The following NFKB1 variants were observed in gnomAD, a reference collection of about 807,000 sequenced individuals.
The protein encoded by NFKB1 is nuclear factor NF-kappa-B p105 subunit.
A neutral mutation model predicts 105.1 loss-of-function variants in NFKB1; 9 were observed. The ratio of observed to expected loss-of-function variants is 0.09; its 90% CI spans 0.05 to 0.15. NFKB1 has a LOEUF of 0.15. NFKB1 is among the 10% of genes least tolerant of loss of function. The probability of loss-of-function intolerance (pLI) is 1.00; values close to 1 mark genes in which losing one functional copy is unlikely to be tolerated. For synonymous variants in NFKB1, 440 were observed against 442.2 expected, an observed-to-expected ratio of 1.00 and a Z score of 0.06; for missense variants, 830 against 1,203.7, an observed-to-expected ratio of 0.69 and a Z score of 4.59.
chr4:102,614,881 C>T (rs4648130), intron 23 of NFKB1, among the ~76,000 whole-genome samples: 4,149 of 152,110 alleles, frequency 0.027, 172 homozygotes, highest in African/African-American at 0.083. Flanking sequence ...CTGTCAGAAG[C>T]GCTGCCATCT....
At chr4:102,555,077 G>A (rs1308914119) in intron 5 of NFKB1, among the ~76,000 whole-genome samples, 2 of 152,152 alleles carry the variant, frequency 1.3e-5, no homozygotes, top group East Asian at 1.9e-4. Flanking sequence ...AGAGGAGTTA[G>A]TAAAATTCCA....
In NFKB1 at chr4:102,546,090, T is replaced by TA. The variant is rs1055781857; in HGVS notation, c.258+8142dup. On this transcript the variant is annotated intron_variant, in intron 5 of 23. Coordinates refer to ENST00000226574, the MANE Select transcript of NFKB1 (RefSeq NM_003998.4). ...GCAACATAGTGAGACCCTGTCTCTATAAAAAAAATTTTTTAAAGAAAAAAA... is the reference window on the plus strand; with the variant it reads ...GCAACATAGTGAGACCCTGTCTCTATAAAAAAAAATTTTTTAAAGAAAAAAA... Among the ~76,000 whole-genome samples the TA allele has an allele frequency of 6.6e-5, 10 of 152,124 alleles. No homozygotes were observed. The South Asian group carries it at 1.7e-3, about 25-fold the overall frequency.
chr4:102,551,367 T>TGTGTGTGTGTGTGTGTGTGTGTGTGCGC (rs370790173), intron 5 of NFKB1, among the ~76,000 whole-genome samples: 3 of 150,094 alleles, frequency 2.0e-5, no homozygotes, highest in African/African-American at 7.3e-5. Context: ...TGTGTGTGTG[T>TGTGTGTGTGTGTGTGTGTGTGTGTGCGC]GCGCGCGCGC....
chr4:102,551,769 T>C (rs530448187), intron 5 of NFKB1, among the ~76,000 whole-genome samples: 1 of 152,306 alleles, frequency 6.6e-6, no homozygotes, highest in Admixed American at 6.5e-5. Flanking sequence ...AATACAGCCC[T>C]ATAAGGTTCT....
intron 18 of NFKB1, 59 bp from the exon 19 acceptor site, chr4:102,607,589 TG>T: frequency 6.5e-7 from 1 of 1,533,920 alleles, no homozygotes; most frequent in Non-Finnish European, 9.0e-7. Flanking sequence ...CACTGGGAGG[TG>T]GGGACAAAAG....
chr4:102,579,440 T>C lies in NFKB1; in HGVS notation c.730+401T>C, dbSNP rs80194048. 5.5e-3 allele frequency among the ~76,000 whole-genome samples: 842 copies of C among 152,168 alleles called. 16 individuals are homozygous for C. Among genetic ancestry groups the C allele is most frequent in the African/African-American group, 0.019 (786 of 41,516 alleles). ...ACAACTATTATTCTTACCCATTTTC[T>C]TTCCCATATGTTACTAGCTTTATCA... is the stretch of plus-strand genomic sequence containing the variant. On this transcript the variant is annotated intron_variant, in intron 8 of 23. Transcript: ENST00000226574.
chr4:102,540,355 A>G (rs1368792825), intron 5 of NFKB1, among the ~76,000 whole-genome samples: 1 of 152,164 alleles, frequency 6.6e-6, no homozygotes, highest in Admixed American at 6.5e-5. Context: ...CATCTACTCA[A>G]AAACATATTG....
chr4:102,501,771 C>T lies in NFKB1; in HGVS notation c.-25C>T. 6.6e-6 allele frequency: 1 copy of T among 152,278 alleles called. No homozygotes were observed. The highest frequency in any genetic ancestry group is 1.5e-5 in the Non-Finnish European group (1 of 68,098). The allele number at this position is 152,278 out of a possible 1,614,324, so 9.4% of individuals were successfully genotyped here. A position where few individuals can be genotyped will look rare whatever the true frequency, so the allele number is the denominator to read the frequency against. On this transcript the variant is annotated 5_prime_UTR_variant, in exon 1 of 24. It adds an upstream start codon to the 5' untranslated region. Transcript: ENST00000226574. ...AGCCCACCCGCGCCAGGAGGCCGAA[C>T]GCGGACTCGCCACCCGGGTAAGCCA...
At chr4:102,575,488 C>G (rs1281408778) in intron 6 of NFKB1, among the ~76,000 whole-genome samples, 1 of 152,076 alleles carries the variant, frequency 6.6e-6, no homozygotes. Flanking sequence ...ATCTGGCCCC[C>G]TGCTTACCTC....
chr4:102,577,016 G>A lies in NFKB1; in HGVS notation c.548G>A (p.Gly183Asp). 5 of 1,612,388 alleles carry A rather than the reference G, an allele frequency of 3.1e-6. No individual in the cohort carries two copies. Among genetic ancestry groups the A allele is most frequent in the South Asian group, 2.2e-5 (2 of 90,694 alleles). ...GACCTTGCCTATTTGCAAGCAGAAGGTGGAGGGGACCGGCAGCTGGGAGGT... is the reference window on the plus strand; with the variant it reads ...GACCTTGCCTATTTGCAAGCAGAAGATGGAGGGGACCGGCAGCTGGGAGGT... ...HPDLAYLQAE[G>D]GGDRQLGDRE... The change falls in exon 7 of 24, where the codon GGT (glycine) becomes GAT (aspartate). Residue 183 changes from glycine to aspartate, a missense_variant. This residue lies in a region of NFKB1 where 80 missense variants were observed against 122.6 expected (regional missense o/e 0.65). Transcript: ENST00000226574.
At chr4:102,523,374 C>G (rs994906495) in intron 1 of NFKB1, among the ~76,000 whole-genome samples, 1 of 152,152 alleles carries the variant, frequency 6.6e-6, no homozygotes, top group Non-Finnish European at 1.5e-5. Context: ...GCTGCCCTTT[C>G]CTTTTTGTTA....
chr4:102,616,311 A>T, intron 23 of NFKB1, 123 bp from the exon 24 acceptor site: 1 of 968,242 alleles, frequency 1.0e-6, no homozygotes, highest in Non-Finnish European at 1.6e-6. Context: ...CATGACAGTG[A>T]GGGTGGCATA....
intron 3 of NFKB1, among the ~76,000 whole-genome samples, chr4:102,532,382 A>C (rs1338678991): frequency 6.6e-6 from 1 of 152,188 alleles, no homozygotes; most frequent in Non-Finnish European, 1.5e-5. Context: ...TAATCCCAGC[A>C]CTTTGGGAGG....
At chr4:102,510,684 T>C (rs145989572) in intron 1 of NFKB1, among the ~76,000 whole-genome samples, 1 of 152,358 alleles carries the variant, frequency 6.6e-6, no homozygotes, top group African/African-American at 2.4e-5. Flanking sequence ...TGTTGCATTT[T>C]TTCATTATTA....
intron 4 of NFKB1, among the ~76,000 whole-genome samples, chr4:102,536,999 G>T (rs1352487331): frequency 1.3e-5 from 2 of 152,078 alleles, no homozygotes; most frequent in Non-Finnish European, 2.9e-5. Context: ...TTTATTCTTT[G>T]TATACAAATA....
chr4:102,615,441 C>G (rs1306902537), intron 23 of NFKB1, among the ~76,000 whole-genome samples: 2 of 152,232 alleles, frequency 1.3e-5, no homozygotes, highest in African/African-American at 4.8e-5. Context: ...GCACCCATCT[C>G]ACCCTGCCAG....
chr4:102,569,898 T>C (rs537461684), intron 6 of NFKB1, among the ~76,000 whole-genome samples: 77 of 152,306 alleles, frequency 5.1e-4, no homozygotes, highest in African/African-American at 1.6e-3. Flanking sequence ...ATTTTGTCTT[T>C]TTTAAAATTC....
chr4:102,575,973 T>G (rs1724787136), intron 6 of NFKB1, among the ~76,000 whole-genome samples: 1 of 152,254 alleles, frequency 6.6e-6, no homozygotes, highest in East Asian at 1.9e-4. Flanking sequence ...TGAATGAATC[T>G]CCTTGGTAAA....
At chr4:102,564,226 C>G (rs1026151687) in intron 5 of NFKB1, among the ~76,000 whole-genome samples, 1 of 152,044 alleles carries the variant, frequency 6.6e-6, no homozygotes, top group African/African-American at 2.4e-5. Context: ...AACCACTATT[C>G]AAAGAAGTAA....
Sources: gnomAD v4.1 joint callset for allele counts (sites outside exome capture counted in the v4.1 genomes callset) on GRCh38, gnomAD v4.1.1 for gene constraint, gnomAD v4.1.1 regional missense constraint, MANE v1.5 for transcripts, NCBI Gene and HGNC (gene_info 2026-07-23, HGNC 2026-07-21) for gene names.